The following ORMDL1 variants were observed in gnomAD, a reference collection of about 807,000 sequenced individuals.
The protein encoded by ORMDL1 is ORMDL sphingolipid biosynthesis regulator 1.
Under a neutral mutation model 13.0 loss-of-function variants are expected in ORMDL1, and 10 were observed. The observed-to-expected ratio is 0.77, with a 90% CI of 0.47 to 1.30. The LOEUF is 1.30. Among genes scored for constraint, ORMDL1 ranks in the 50% most tolerant of loss-of-function variants. The probability of loss-of-function intolerance (pLI) is 0.00; values close to 1 mark genes in which losing one functional copy is unlikely to be tolerated. For missense variants in ORMDL1, 171 were observed against 186.7 expected (o/e 0.92, Z 0.49); for synonymous variants, 61 against 63.9 (o/e 0.95, Z 0.22).
intron 2 of ORMDL1, 24 bp from the exon 3 acceptor site, chr2:189,782,626 C>A: frequency 6.3e-7 from 1 of 1,599,442 alleles, no homozygotes; most frequent in South Asian, 1.1e-5. Context: ...TGAAATGAAT[C>A]AACACTGATA....
At chr2:189,765,399 TGCCAGCCTGGCAGGCCCATAGTGTG>T (rs921780567), downstream of ORMDL1, 9 of 152,334 alleles carry the variant, frequency 5.9e-5, no homozygotes, top group African/African-American at 1.9e-4. Flanking sequence ...CACAGATGTA[TGCCAGCCTGGCAGGCCCATAGTGTG>T]ATTACTTGAG....
chr2:189,765,870 G>A (rs1015832007), downstream of ORMDL1, among the ~76,000 whole-genome samples: 9 of 4,426 alleles, frequency 2.0e-3, 1 homozygote, highest in Non-Finnish European at 0.018. Flanking sequence ...TTGAGACGAC[G>A]TCTGGATTGC....
chr2:189,772,273 T>C (rs1207710253), intron 4 of ORMDL1, among the ~76,000 whole-genome samples: 1 of 150,340 alleles, frequency 6.7e-6, no homozygotes, highest in East Asian at 1.9e-4. Flanking sequence ...ATTCATCTTA[T>C]TCTCAAAAAG....
chr2:189,782,741 A>G, intron 2 of ORMDL1, 139 bp from the exon 3 acceptor site: 1 of 655,134 alleles, frequency 1.5e-6, no homozygotes, highest in Non-Finnish European at 2.6e-6. Context: ...ACCATCCAAA[A>G]TATGCTACTT....
intron 4 of ORMDL1, among the ~76,000 whole-genome samples, chr2:189,773,396 T>C (rs1469577105): frequency 2.0e-5 from 3 of 152,132 alleles, no homozygotes; most frequent in Non-Finnish European, 4.4e-5. Flanking sequence ...AGGTGCAAGA[T>C]CTTCAACAAG....
intron 2 of ORMDL1, 118 bp downstream of exon 2, chr2:189,782,896 A>G: frequency 3.9e-6 from 1 of 259,500 alleles, no homozygotes; most frequent in Non-Finnish European, 7.3e-6. Context: ...CTGAATAGGA[A>G]AATTCAAACT....
chr2:189,769,311 C>T (rs746608463), downstream of ORMDL1, among the ~76,000 whole-genome samples: 1 of 151,868 alleles, frequency 6.6e-6, no homozygotes, highest in Non-Finnish European at 1.5e-5. Context: ...TGCTTGAACA[C>T]AGGAGGCAGA....
chr2:189,776,830 T>C (rs936287121), intron 3 of ORMDL1, among the ~76,000 whole-genome samples: 2 of 152,060 alleles, frequency 1.3e-5, no homozygotes, highest in African/African-American at 4.8e-5. Context: ...ATAGGACATA[T>C]ATGCACATAT....
At chr2:189,782,918 C>G (rs1442093630) in intron 2 of ORMDL1, 96 bp downstream of exon 2, 3 of 217,642 alleles carry the variant, frequency 1.4e-5, no homozygotes, top group African/African-American at 6.8e-5. Context: ...AAAGAGAAAA[C>G]CTACATTTTC....
chr2:189,771,173 C>T lies in ORMDL1; in HGVS notation c.*594G>A, dbSNP rs944467759. On this transcript the variant is annotated 3_prime_UTR_variant, in exon 5 of 5. Coordinates refer to ENST00000392349, the MANE Select transcript of ORMDL1 (RefSeq NM_016467.5). ...AGGTGAACCTCCATGAACTCTGTAA[C>T]GTAATAAATGTAAAAATGGCCTCAT... The T allele has an allele frequency of 2.0e-5, 3 of 152,094 alleles. No individual in the cohort carries two copies. The highest frequency in any genetic ancestry group is 6.5e-5 in the Admixed American group (1 of 15,272). The allele number at this position is 152,094 out of a possible 1,614,324, so 9.4% of individuals were successfully genotyped here.
At position 189,783,000 on chromosome 2, in the gene ORMDL1, A is replaced by G. The variant is rs5742917; in HGVS notation, c.-8+14T>C. On this transcript the variant is annotated intron_variant, in intron 2 of 4. Coordinates refer to ENST00000392349, the MANE Select transcript of ORMDL1 (RefSeq NM_016467.5). ...CATAATAAATTTATATTAAAAAGAA[A>G]AAGCAGAACTCACCGAGCCAGTGTG... 2,494 of 166,074 alleles carry G rather than the reference A, an allele frequency of 0.015. 65 individuals are homozygous for G. Among genetic ancestry groups the G allele is most frequent in the African/African-American group, 0.056 (2,349 of 41,796 alleles). The allele number at this position is 166,074 out of a possible 1,614,324, so 10.3% of individuals were successfully genotyped here.
rs986598114 is a variant in ORMDL1, at chr2:189,775,581, T to C, written c.310A>G (p.Ile104Val). 5 of 1,600,772 alleles carry C rather than the reference T, an allele frequency of 3.1e-6. No individual in the cohort carries two copies. Among genetic ancestry groups the C allele is most frequent in the Admixed American group, 1.7e-5 (1 of 57,908 alleles). Residue 104 changes from isoleucine (I) to valine (V), a missense_variant, in exon 4 of 5, where the codon ATT becomes GTT. Coordinates refer to ENST00000392349, the MANE Select transcript of ORMDL1 (RefSeq NM_016467.5). ...QFTSSRKFFT[I>V]SPIILYFLAS... is the part of the protein sequence containing the mutation. ...GCCACTTACAGAATTATTGGAGAAATTGTGAAAAACTTCCGTGAAGATGTA... is the reference window on the plus strand; with the variant it reads ...GCCACTTACAGAATTATTGGAGAAACTGTGAAAAACTTCCGTGAAGATGTA...
chr2:189,776,642 A>G (rs1206390617), intron 3 of ORMDL1, among the ~76,000 whole-genome samples: 1 of 152,180 alleles, frequency 6.6e-6, no homozygotes, highest in Non-Finnish European at 1.5e-5. Flanking sequence ...TTGAAATTTT[A>G]TATGATACCA....
chr2:189,773,703 C>A (rs1559187790), intron 4 of ORMDL1, among the ~76,000 whole-genome samples: 1 of 66,278 alleles, frequency 1.5e-5, no homozygotes, highest in Non-Finnish European at 2.9e-5. Context: ...GCCTGGGCAG[C>A]AGAGCAAGAC....
At chr2:189,775,822 A>G (rs2047683848) in intron 3 of ORMDL1, 106 bp from the exon 4 acceptor site, 1 of 1,093,738 alleles carries the variant, frequency 9.1e-7, no homozygotes, top group Admixed American at 3.1e-5. Flanking sequence ...TGTGTGATTT[A>G]ACTGAGTTCG....
At chr2:189,769,380 G>C (rs1003912058), downstream of ORMDL1, among the ~76,000 whole-genome samples, 1 of 125,454 alleles carries the variant, frequency 8.0e-6, no homozygotes, top group Non-Finnish European at 1.7e-5. Flanking sequence ...AAAAAAACCC[G>C]GCTCCAGCCA....
At chr2:189,767,108 T>C (rs2047495168), downstream of ORMDL1, among the ~76,000 whole-genome samples, 1 of 152,236 alleles carries the variant, frequency 6.6e-6, no homozygotes, top group South Asian at 2.1e-4. Context: ...TTTACTTCTT[T>C]TGGGTATATA....
chr2:189,769,336 G>A (rs1052271164), downstream of ORMDL1, among the ~76,000 whole-genome samples: 3 of 152,006 alleles, frequency 2.0e-5, no homozygotes, highest in East Asian at 1.9e-4. Flanking sequence ...GCAGTGAGCC[G>A]GGATCACGCC....
chr2:189,779,985 A>T (rs1438613655), intron 3 of ORMDL1, among the ~76,000 whole-genome samples: 1 of 152,208 alleles, frequency 6.6e-6, no homozygotes, highest in East Asian at 1.9e-4. Flanking sequence ...ACTATACATT[A>T]CAGGTTGAGT....
Sources: gnomAD v4.1 joint callset for allele counts (sites outside exome capture counted in the v4.1 genomes callset) on GRCh38, gnomAD v4.1.1 for gene constraint, MANE v1.5 for transcripts, NCBI Gene and HGNC (gene_info 2026-07-23, HGNC 2026-07-21) for gene names.